NR2E1: variants seen among roughly 807,000 people sequenced by gnomAD.
NR2E1 encodes the protein nuclear receptor TLX.
Under a neutral mutation model 43.6 loss-of-function variants are expected in NR2E1, and 5 were observed. The observed-to-expected ratio is 0.11, with a 90% CI of 0.06 to 0.24. The LOEUF is 0.24. Ranked by LOEUF, NR2E1 falls within the 10% of genes least tolerant of loss-of-function variation. NR2E1 has a pLI of 1.00. For missense variants in NR2E1, 287 were observed against 496.7 expected, an observed-to-expected ratio of 0.58 and a Z score of 4.01; for synonymous variants, 191 against 195.5, an observed-to-expected ratio of 0.98 and a Z score of 0.19.
intron 8 of NR2E1, among the ~76,000 whole-genome samples, chr6:108,186,061 A>G (rs1582451908): frequency 6.6e-6 from 1 of 152,194 alleles, no homozygotes; most frequent in African/African-American, 2.4e-5. Context: ...GGCCAAGGTG[A>G]AAGGGAGACA....
At chr6:108,181,343 G>A (rs1773982162) in intron 7 of NR2E1, among the ~76,000 whole-genome samples, 1 of 151,974 alleles carries the variant, frequency 6.6e-6, no homozygotes, top group South Asian at 2.1e-4. Flanking sequence ...ACAGACACAT[G>A]CCACCATGCC....
Position 108,176,554 on chromosome 6 carries a change from C to A in NR2E1, c.311C>A (p.Ala104Asp). The A allele has an allele frequency of 6.2e-7, 1 of 1,613,198 alleles. No individual in the cohort carries two copies. The highest frequency in any genetic ancestry group is 8.5e-7 in the Non-Finnish European group (1 of 1,179,960). The change falls in exon 4 of 9, where the codon GCC (alanine) becomes GAC (aspartate). Residue 104 changes from alanine (A) to aspartate (D), a missense_variant. Physicochemically the swap from Ala to Asp is moderately radical, Grantham distance 126. Around this residue, in one of 4 missense-constraint regions of NR2E1, gnomAD observed 119 missense variants for 155.7 expected, o/e 0.76. Coordinates refer to ENST00000368986, the MANE Select transcript of NR2E1 (RefSeq NM_003269.5). The part of the protein sequence containing the change: ...PRTSTIRKQV[A>D]LYFRGHKEEN... The stretch of plus-strand genomic sequence containing the variant: ...ACGTCCACCATCCGCAAGCAAGTGG[C>A]CCTCTACTTCCGTGGACACAAGGAG...
chr6:108,185,409 T>TAC (rs3040212), intron 8 of NR2E1, among the ~76,000 whole-genome samples: 5,127 of 146,860 alleles, frequency 0.035, 96 homozygotes, highest in Middle Eastern at 0.08. Context: ...CACACACACA[T>TAC]ACACACACAC....
In NR2E1 at chr6:108,169,867, T is replaced by C. The variant is rs1188137024; in HGVS notation, c.26-1591T>C. Among the ~76,000 whole-genome samples the C allele has an allele frequency of 6.6e-6, 1 of 152,086 alleles. No homozygotes were observed. The highest frequency in any genetic ancestry group is 1.5e-5 in the Non-Finnish European group (1 of 68,002). ...CGTCCGAATTCCCATGCTACTCTTT[T>C]TGACGGGTCACTGGTGGCTCTATAG... On this transcript the variant is annotated intron_variant, in intron 1 of 8. Transcript: ENST00000368986. The surrounding 1 kb of genome is among the most constrained non-coding windows in gnomAD (Gnocchi z 6.1).
intron 1 of NR2E1, among the ~76,000 whole-genome samples, chr6:108,171,180 T>A (rs924090473): frequency 6.6e-6 from 1 of 152,202 alleles, no homozygotes; most frequent in Non-Finnish European, 1.5e-5. Context: ...CCTGCTGTCA[T>A]CTTTTATTCC....
chr6:108,186,885 G>A (rs1326586067), intron 8 of NR2E1, among the ~76,000 whole-genome samples: 1 of 152,160 alleles, frequency 6.6e-6, no homozygotes, highest in Non-Finnish European at 1.5e-5. Context: ...CATTTTATTT[G>A]AGGGAAATAG....
At chr6:108,178,532 A>G (rs1773936534) in intron 5 of NR2E1, among the ~76,000 whole-genome samples, 1 of 152,210 alleles carries the variant, frequency 6.6e-6, no homozygotes, top group Non-Finnish European at 1.5e-5. Flanking sequence ...AACAGCAAAT[A>G]TAATCTCAAA....
In NR2E1 at chr6:108,176,507, G is replaced by A; in HGVS notation, c.264G>A (p.Val88=). The change falls in exon 4 of 9, where the codon GTG becomes GTA. Residue 88 remains valine (V), a synonymous_variant. Coordinates refer to ENST00000368986, the MANE Select transcript of NR2E1 (RefSeq NM_003269.5). The part of the protein sequence containing the change: ...CLEVNMNKDA[V]QHERGPRTST... The stretch of plus-strand genomic sequence containing the variant: ...TTTCTCTGTTTGCCTCTGCAGCCGT[G>A]CAGCACGAGCGGGGGCCTCGGACGT... 3 of 1,612,918 alleles carry A rather than the reference G, an allele frequency of 1.9e-6. No homozygotes were observed. Among genetic ancestry groups the A allele is most frequent in the Admixed American group, 1.7e-5 (1 of 60,020 alleles).
At position 108,175,081 on chromosome 6, in the gene NR2E1, C is replaced by T. The variant is rs528771158; in HGVS notation, c.259+158C>T. On this transcript the variant is annotated intron_variant, in intron 3 of 8. Transcript: ENST00000368986. ...GGGCTTTCAGTCGTATCCTTCCCGT[C>T]TTTCAGCAGGAGCCGCTGGCGACCC... Among the ~76,000 whole-genome samples the T allele has an allele frequency of 1.7e-4, 26 of 152,360 alleles. 1 individual carries two copies. The highest frequency in any genetic ancestry group is 2.1e-4 in the South Asian group (1 of 4,826).
At chr6:108,168,084 A>G in intron 1 of NR2E1, 1 of 1,604,086 alleles carries the variant, frequency 6.2e-7, no homozygotes, top group Non-Finnish European at 8.5e-7. Context: ...GCCGGAATGC[A>G]GAGCGGACCC....
rs113269167 is a variant in NR2E1, at chr6:108,176,197, C to T, written c.260-306C>T. 894 of 437,900 alleles carry T rather than the reference C, an allele frequency of 2.0e-3. 6 individuals carry two copies. Among genetic ancestry groups the T allele is most frequent in the African/African-American group, 0.016 (828 of 50,458 alleles). 27.1% of individuals were successfully genotyped at this position (437,900 alleles called of 1,614,324 possible). A position where few individuals can be genotyped will look rare whatever the true frequency, so the allele number is the denominator to read the frequency against. On this transcript the variant is annotated intron_variant, in intron 3 of 8. Coordinates refer to ENST00000368986, the MANE Select transcript of NR2E1 (RefSeq NM_003269.5). The stretch of plus-strand genomic sequence containing the variant: ...TCTGGTTTCCCTGCGAACCCCCTTC[C>T]CTGGTGGGGAGGAGCCCTGGACCGA...
chr6:108,180,314 G>A lies in NR2E1; in HGVS notation c.643-9G>A. On this transcript the variant is annotated splice_polypyrimidine_tract_variant and intron_variant, in intron 5 of 8. Coordinates refer to ENST00000368986, the MANE Select transcript of NR2E1 (RefSeq NM_003269.5). This position sits in a 1 kb window ranked among gnomAD's most constrained non-coding sequence, Gnocchi z 5.4. ...CACTATATTATATTATACATCTATT[G>A]TATGACAGCTGATGCTTTTGGAAGA... 4 of 1,547,290 alleles carry A rather than the reference G, an allele frequency of 2.6e-6. No homozygotes were observed. The highest frequency in any genetic ancestry group is 2.7e-6 in the Non-Finnish European group (3 of 1,119,386).
chr6:108,188,460 C>G lies in NR2E1; in HGVS notation c.*997C>G, dbSNP rs1027665357. The G allele has an allele frequency of 4.0e-5, 6 of 150,790 alleles. No individual in the cohort carries two copies. Among genetic ancestry groups the G allele is most frequent in the African/African-American group, 1.5e-4 (6 of 40,852 alleles). 9.3% of individuals were successfully genotyped at this position (150,790 alleles called of 1,614,324 possible). A position where few individuals can be genotyped will look rare whatever the true frequency, so the allele number is the denominator to read the frequency against. ...CCATTGCTAACAGCCTGAGACTCTTCAATGCCTTTCCGAAAACTGGTTTCT... is the reference window on the plus strand; with the variant it reads ...CCATTGCTAACAGCCTGAGACTCTTGAATGCCTTTCCGAAAACTGGTTTCT... On this transcript the variant is annotated 3_prime_UTR_variant, in exon 9 of 9. Coordinates refer to ENST00000368986, the MANE Select transcript of NR2E1 (RefSeq NM_003269.5).
At chr6:108,173,845 C>T (rs940311914) in intron 2 of NR2E1, among the ~76,000 whole-genome samples, 9 of 152,152 alleles carry the variant, frequency 5.9e-5, no homozygotes, top group Admixed American at 2.0e-4. Flanking sequence ...GAATAAATTC[C>T]AAAGGAAACT....
chr6:108,168,196 C>T, intron 1 of NR2E1: 2 of 1,557,208 alleles, frequency 1.3e-6, no homozygotes, highest in Non-Finnish European at 1.7e-6. Context: ...GCCCGCATTC[C>T]CGGGCGTGAG....
Position 108,166,811 on chromosome 6 carries a change from C to G in NR2E1, c.25+21C>G. On this transcript the variant is annotated intron_variant, in intron 1 of 8. Coordinates refer to ENST00000368986, the MANE Select transcript of NR2E1 (RefSeq NM_003269.5). The surrounding 1 kb of genome is among the most constrained non-coding windows in gnomAD (Gnocchi z 7.2). Reference sequence around the variant, plus strand: ...AACAAGTGGGTACCTCTCGGGCCGCCGTGGGGCCTAGGCGCGCAGCCTGGG... The same window carrying G: ...AACAAGTGGGTACCTCTCGGGCCGCGGTGGGGCCTAGGCGCGCAGCCTGGG... The G allele has an allele frequency of 6.3e-7, 1 of 1,589,200 alleles. No homozygotes were observed. The highest frequency in any genetic ancestry group is 1.1e-5 in the South Asian group (1 of 87,346).
chr6:108,178,034 G>A, intron 4 of NR2E1, 61 bp from the exon 5 acceptor site: 1 of 1,580,824 alleles, frequency 6.3e-7, no homozygotes, highest in Admixed American at 1.7e-5. Context: ...TAAAAGTTTG[G>A]TTCTTCTTGC....
chr6:108,187,430 G>C lies in NR2E1; in HGVS notation c.1125G>C (p.Leu375=). ...TCGGCAATGTGCCAATTACAAGACT[G>C]CTTTCAGATATGTACAAATCCAGTG... ...KTIGNVPITR[L]LSDMYKSSDI Residue 375 remains leucine (L), a synonymous_variant, in exon 9 of 9, where the codon CTG becomes CTC. Transcript: ENST00000368986. The C allele has an allele frequency of 2.5e-6, 4 of 1,614,170 alleles. No individual in the cohort carries two copies. The highest frequency in any genetic ancestry group is 3.4e-6 in the Non-Finnish European group (4 of 1,180,034).
chr6:108,180,667 A>G lies in NR2E1; in HGVS notation c.740-140A>G. ...GAAGATTTTATATTAACTTTCATACAATATAGCCGGTTTACATGGAATCAG... is the reference window on the plus strand; with the variant it reads ...GAAGATTTTATATTAACTTTCATACGATATAGCCGGTTTACATGGAATCAG... On this transcript the variant is annotated intron_variant, in intron 6 of 8. Coordinates refer to ENST00000368986, the MANE Select transcript of NR2E1 (RefSeq NM_003269.5). This position sits in a 1 kb window ranked among gnomAD's most constrained non-coding sequence, Gnocchi z 5.4. 3.5e-6 allele frequency: 3 copies of G among 845,738 alleles called. No homozygotes were observed. The highest frequency in any genetic ancestry group is 5.7e-6 in the Non-Finnish European group (3 of 523,906). The allele number at this position is 845,738 out of a possible 1,614,324, so 52.4% of individuals were successfully genotyped here. A position where few individuals can be genotyped will look rare whatever the true frequency, so the allele number is the denominator to read the frequency against.
Sources: gnomAD v4.1 joint callset for allele counts (sites outside exome capture counted in the v4.1 genomes callset) on GRCh38, gnomAD v4.1.1 for gene constraint, gnomAD v4.1.1 regional missense constraint, Gnocchi (gnomAD v3.1) non-coding constraint, MANE v1.5 for transcripts, NCBI Gene and HGNC (gene_info 2026-07-23, HGNC 2026-07-21) for gene names.